Variants in ERBB4 observed in about 807,000 individuals in gnomAD.
ERBB4 encodes the protein erb-b2 receptor tyrosine kinase 4, also known as receptor tyrosine-protein kinase erbB-4.
ERBB4 carries 42 observed loss-of-function variants against 158.0 expected under a neutral mutation model. The ratio of observed to expected loss-of-function variants is 0.27; its 90% CI spans 0.21 to 0.34. ERBB4 has a LOEUF of 0.34. ERBB4 is among the 10% of genes least tolerant of loss of function. The probability of loss-of-function intolerance (pLI) is 1.00; values close to 1 mark genes in which losing one functional copy is unlikely to be tolerated. For synonymous variants in ERBB4, 583 were observed against 558.7 expected, an observed-to-expected ratio of 1.04 and a Z score of -0.61; for missense variants, 1,333 against 1,624.1, an observed-to-expected ratio of 0.82 and a Z score of 3.08.
intron 2 of ERBB4, among the ~76,000 whole-genome samples, chr2:212,037,885 A>G (rs1443452729): frequency 6.6e-6 from 1 of 152,152 alleles, no homozygotes; most frequent in Non-Finnish European, 1.5e-5. Context: ...GAGAGCAAAT[A>G]TTTTTCAAGA....
intron 1 of ERBB4, among the ~76,000 whole-genome samples, chr2:212,201,323 A>G (rs939477809): frequency 2.0e-5 from 3 of 152,098 alleles, no homozygotes; most frequent in Non-Finnish European, 4.4e-5. Context: ...AATCCACTCT[A>G]AATAAATTAG....
At chr2:211,954,381 A>G (rs1246258471) in intron 2 of ERBB4, among the ~76,000 whole-genome samples, 1 of 152,022 alleles carries the variant, frequency 6.6e-6, no homozygotes, top group Non-Finnish European at 1.5e-5. Context: ...CATGTTTATT[A>G]CTTATTTTTC....
At chr2:212,025,970 G>A (rs762325320) in intron 2 of ERBB4, among the ~76,000 whole-genome samples, 1 of 151,738 alleles carries the variant, frequency 6.6e-6, no homozygotes, top group Non-Finnish European at 1.5e-5. Context: ...GTTTGTCAGA[G>A]TGGGATGAGA....
intron 19 of ERBB4, among the ~76,000 whole-genome samples, chr2:211,578,677 A>G (rs1418208043): frequency 2.0e-5 from 3 of 152,176 alleles, no homozygotes; most frequent in Non-Finnish European, 2.9e-5. Flanking sequence ...GATTTTTTAA[A>G]CAGCTGACAA....
At chr2:212,268,177 T>A (rs913318657) in intron 1 of ERBB4, among the ~76,000 whole-genome samples, 1 of 151,928 alleles carries the variant, frequency 6.6e-6, no homozygotes. Context: ...GGGGTTAGCA[T>A]GTGGCCAAGA....
At chr2:211,896,820 C>G (rs1042465445) in intron 3 of ERBB4, among the ~76,000 whole-genome samples, 4 of 151,990 alleles carry the variant, frequency 2.6e-5, no homozygotes, top group African/African-American at 9.7e-5. Context: ...TTTTGAAAAG[C>G]TATTTTTTAA....
chr2:212,517,593 A>G (rs1448099644), intron 1 of ERBB4, among the ~76,000 whole-genome samples: 1 of 152,032 alleles, frequency 6.6e-6, no homozygotes, highest in Non-Finnish European at 1.5e-5. Flanking sequence ...GAGTGACTGC[A>G]TTCCAAGGTT....
intron 2 of ERBB4, among the ~76,000 whole-genome samples, chr2:212,044,151 T>G (rs2077203514): frequency 6.6e-6 from 1 of 152,122 alleles, no homozygotes; most frequent in Non-Finnish European, 1.5e-5. Context: ...CGGTAGTGTC[T>G]CCCAATAGTA....
rs879271352 is a variant in ERBB4, at chr2:211,913,617, A to ATGTGTGTGTG, written c.421+33812_421+33813insCACACACACA. 3.3e-3 allele frequency among the ~76,000 whole-genome samples: 385 copies of ATGTGTGTGTG among 118,370 alleles called. 1 individual carries two copies. Among genetic ancestry groups the ATGTGTGTGTG allele is most frequent in the African/African-American group, 0.012 (338 of 28,544 alleles). 77.7% of individuals were successfully genotyped at this position (118,370 alleles called of 152,430 possible). The stretch of plus-strand genomic sequence containing the variant: ...CTCTATTTCAAAAAAATATATATAT[A>ATGTGTGTGTG]TATGTGTGTGTGTGTGTGTGTGTGT... On this transcript the variant is annotated intron_variant, in intron 3 of 27. Transcript: ENST00000342788.
chr2:212,275,896 A>C (rs566374385), intron 1 of ERBB4, among the ~76,000 whole-genome samples: 1 of 152,018 alleles, frequency 6.6e-6, no homozygotes, highest in Non-Finnish European at 1.5e-5. Context: ...TTGGATGAAA[A>C]GTCAAGACCC....
At chr2:211,651,365 C>T (rs1037946186) in intron 16 of ERBB4, among the ~76,000 whole-genome samples, 22 of 152,130 alleles carry the variant, frequency 1.4e-4, no homozygotes, top group Non-Finnish European at 2.6e-4. Flanking sequence ...ATAAGAATGG[C>T]ACCGTCGGAA....
intron 2 of ERBB4, among the ~76,000 whole-genome samples, chr2:212,016,027 GAA>G (rs574342589): frequency 2.5e-4 from 35 of 139,750 alleles, no homozygotes; most frequent in African/African-American, 8.8e-4. Flanking sequence ...CTACTGACCA[GAA>G]AAAAAAAAAA....
At chr2:211,411,002 G>A (rs983802499) in intron 25 of ERBB4, among the ~76,000 whole-genome samples, 13 of 152,104 alleles carry the variant, frequency 8.5e-5, no homozygotes, top group South Asian at 2.1e-4. Flanking sequence ...TCCACCTCCC[G>A]GGTTCAAGTG....
intron 7 of ERBB4, among the ~76,000 whole-genome samples, chr2:211,719,494 T>G (rs559223694): frequency 6.6e-6 from 1 of 152,270 alleles, no homozygotes; most frequent in East Asian, 1.9e-4. Context: ...GCATCCTTCA[T>G]GCTAAGCTTC....
intron 3 of ERBB4, among the ~76,000 whole-genome samples, chr2:211,805,195 G>A (rs553171354): frequency 6.6e-6 from 1 of 152,250 alleles, no homozygotes; most frequent in Admixed American, 6.5e-5. Context: ...CTAAAGTGCT[G>A]GGATTACAGG....
intron 3 of ERBB4, among the ~76,000 whole-genome samples, chr2:211,840,844 A>G: frequency 6.6e-6 from 1 of 152,142 alleles, no homozygotes; most frequent in East Asian, 1.9e-4. Flanking sequence ...TTATAAACAA[A>G]TACAGTATTT....
At chr2:211,862,444 C>T (rs983565) in intron 3 of ERBB4, among the ~76,000 whole-genome samples, 33,223 of 151,356 alleles carry the variant, frequency 0.22, 3,775 homozygotes, top group South Asian at 0.32. Flanking sequence ...TGAGAAAAGG[C>T]AATTTTCCAG....
chr2:212,139,972 C>T (rs2080397220), intron 1 of ERBB4, among the ~76,000 whole-genome samples: 1 of 151,570 alleles, frequency 6.6e-6, no homozygotes, highest in Non-Finnish European at 1.5e-5. Flanking sequence ...ATATTATTTG[C>T]CAGGATAAAA....
intron 3 of ERBB4, among the ~76,000 whole-genome samples, chr2:211,929,566 T>A (rs1410837451): frequency 1.3e-5 from 2 of 152,134 alleles, no homozygotes; most frequent in Non-Finnish European, 2.9e-5. Context: ...CAGTGCCATG[T>A]TGATAGATAT....
Sources: allele counts gnomAD v4.1 joint callset (sites outside exome capture counted in the v4.1 genomes callset), GRCh38; gene constraint gnomAD v4.1.1; transcripts MANE v1.5; gene names NCBI Gene and HGNC (gene_info 2026-07-23, HGNC 2026-07-21).